MEOX1: variants seen among roughly 807,000 people sequenced by gnomAD.
The protein encoded by MEOX1 is homeobox protein MOX-1.
MEOX1 carries 17 observed loss-of-function variants against 23.2 expected under a neutral mutation model. The ratio of observed to expected loss-of-function variants is 0.73; its 90% confidence interval spans 0.50 to 1.10. MEOX1 has a LOEUF of 1.10. MEOX1 is among the 50% of genes least tolerant of loss of function. MEOX1 has a pLI of 0.00. For missense variants in MEOX1, 333 were observed against 332.2 expected (o/e 1.00, Z -0.02); for synonymous variants, 134 against 135.1 (o/e 0.99, Z 0.06).
chr17:43,659,893 C>T (rs1289255666), intron 1 of MEOX1, among the ~76,000 whole-genome samples: 1 of 152,168 alleles, frequency 6.6e-6, no homozygotes, highest in African/African-American at 2.4e-5. Context: ...GGGTGAGACC[C>T]CTTTATTCAT....
chr17:43,661,483 C>G lies in MEOX1; in HGVS notation c.52G>C (p.Val18Leu). ...CMRSLQPPAP[V>L]WGCLRNPHSE... The stretch of plus-strand genomic sequence containing the variant: ...TGGGGGTTTCGAAGGCAGCCCCAGA[C>G]AGGGGCTGGGGGCTGGAGGCTCCTC... Residue 18 changes from valine to leucine, a missense_variant, in exon 1 of 3, where the codon GTC becomes CTC. Physicochemically the swap from Val to Leu is conservative, Grantham distance 32. Coordinates refer to ENST00000318579, the MANE Select transcript of MEOX1 (RefSeq NM_004527.4). The G allele has an allele frequency of 1.2e-6, 2 of 1,607,244 alleles. No individual in the cohort carries two copies. Among genetic ancestry groups the G allele is most frequent in the Non-Finnish European group, 1.7e-6 (2 of 1,178,032 alleles).
chr17:43,660,342 C>G (rs1022279704), intron 1 of MEOX1, among the ~76,000 whole-genome samples: 1 of 152,208 alleles, frequency 6.6e-6, no homozygotes, highest in Non-Finnish European at 1.5e-5. Context: ...CTCCCTGACT[C>G]TCTCAGAGGC....
chr17:43,643,301 C>T (rs1474744006), intron 2 of MEOX1, among the ~76,000 whole-genome samples, 187 bp downstream of exon 2: 2 of 152,076 alleles, frequency 1.3e-5, no homozygotes, highest in South Asian at 2.1e-4. Context: ...AACGAGACTC[C>T]GTCTCAAAAA....
intron 1 of MEOX1, among the ~76,000 whole-genome samples, chr17:43,655,194 C>G (rs1014842362): frequency 2.0e-5 from 3 of 152,176 alleles, no homozygotes; most frequent in Admixed American, 2.0e-4. Context: ...ATTTGGTGGC[C>G]GGGCACAGTG....
At chr17:43,643,219 G>A (rs963755335) in intron 2 of MEOX1, among the ~76,000 whole-genome samples, 1 of 152,212 alleles carries the variant, frequency 6.6e-6, no homozygotes, top group African/African-American at 2.4e-5. Flanking sequence ...GGCTAAGGCA[G>A]GAGAATTGCT....
Position 43,641,878 on chromosome 17 carries a change from A to C in MEOX1, c.*32T>G. On this transcript the variant is annotated 3_prime_UTR_variant, in exon 3 of 3. Coordinates refer to ENST00000318579, the MANE Select transcript of MEOX1 (RefSeq NM_004527.4). ...GTGGGGGTAGTTGGGTAGGGGGCTC[A>C]GTCCTTAGTCATTTTTCCTCCATGC... 1 of 1,596,678 alleles carries C rather than the reference A, an allele frequency of 6.3e-7. No individual in the cohort carries two copies. Among genetic ancestry groups the C allele is most frequent in the Non-Finnish European group, 8.5e-7 (1 of 1,171,634 alleles).
At chr17:43,649,396 T>TC (rs1972873255) in intron 1 of MEOX1, among the ~76,000 whole-genome samples, 1 of 144,958 alleles carries the variant, frequency 6.9e-6, no homozygotes, top group South Asian at 2.2e-4. Flanking sequence ...AACCTCTGCC[T>TC]CCTGGGTTCA....
At chr17:43,645,647 A>G (rs2154588804) in intron 1 of MEOX1, among the ~76,000 whole-genome samples, 1 of 152,128 alleles carries the variant, frequency 6.6e-6, no homozygotes, top group South Asian at 2.1e-4. Context: ...TACCTGGGGG[A>G]CTGGGCTGGG....
intron 1 of MEOX1, among the ~76,000 whole-genome samples, chr17:43,655,849 G>T (rs1686584413): frequency 6.6e-6 from 1 of 152,058 alleles, no homozygotes; most frequent in Admixed American, 6.6e-5. Context: ...GATTGCTAGG[G>T]GGTGGGGGAA....
intron 1 of MEOX1, among the ~76,000 whole-genome samples, chr17:43,648,507 T>G (rs1972853103): frequency 6.6e-6 from 1 of 151,628 alleles, no homozygotes; most frequent in Non-Finnish European, 1.5e-5. Context: ...AACTAACTCA[T>G]GCTTCCCAAG....
At position 43,661,219 on chromosome 17, in the gene MEOX1, TGGGCCTGCGCC is replaced by T; in HGVS notation, c.305_315del (p.Arg102GlnfsTer28). 6.2e-7 allele frequency: 1 copy of T among 1,609,470 alleles called. No individual in the cohort carries two copies. The highest frequency in any genetic ancestry group is 8.5e-7 in the Non-Finnish European group (1 of 1,177,598). On this transcript the variant is annotated frameshift_variant, in exon 1 of 3. Transcript: ENST00000318579. LOFTEE classifies it high-confidence loss of function. ...TTGGAACCCCCTGCCGGGCCTGAGT[TGGGCCTGCGCC>T]GGGCGTCTGAGACAGGGAAGTGCCA...
intron 1 of MEOX1, 59 bp downstream of exon 1, chr17:43,661,007 G>A: frequency 8.7e-7 from 1 of 1,148,254 alleles, no homozygotes; most frequent in Non-Finnish European, 1.2e-6. Context: ...CAGAGAGGGT[G>A]AGTAACTTCC....
At position 43,661,186 on chromosome 17, in the gene MEOX1, C is replaced by G. The variant is rs1973133750; in HGVS notation, c.349G>C (p.Gly117Arg). The G allele has an allele frequency of 6.2e-7, 1 of 1,605,884 alleles. No homozygotes were observed. The highest frequency in any genetic ancestry group is 1.3e-5 in the African/African-American group (1 of 74,902). Residue 117 changes from glycine (G) to arginine (R), a missense_variant, in exon 1 of 3, where the codon GGG (glycine) becomes CGG (arginine). Coordinates refer to ENST00000318579, the MANE Select transcript of MEOX1 (RefSeq NM_004527.4). ...TCCACCAGGCCCAGGCTGCTGGTCCCCATTTCCTTGGAACCCCCTGCCGGG... is the reference window on the plus strand; with the variant it reads ...TCCACCAGGCCCAGGCTGCTGGTCCGCATTTCCTTGGAACCCCCTGCCGGG... ...SGPAGGSKEM[G>R]TSSLGLVDTT...
chr17:43,651,206 C>A (rs1972910041), intron 1 of MEOX1, among the ~76,000 whole-genome samples: 1 of 152,056 alleles, frequency 6.6e-6, no homozygotes, highest in African/African-American at 2.4e-5. Context: ...GTAGTCCCAG[C>A]TACTCGGGAG....
rs34747408 is a variant in MEOX1, at chr17:43,657,340, A to AT, written c.469+3725dup. 3.1e-3 allele frequency among the ~76,000 whole-genome samples: 382 copies of AT among 122,226 alleles called. 2 individuals are homozygous for AT. Among genetic ancestry groups the AT allele is most frequent in the African/African-American group, 5.8e-3 (198 of 34,276 alleles). 80.2% of individuals were successfully genotyped at this position (122,226 alleles called of 152,430 possible). A position where few individuals can be genotyped will look rare whatever the true frequency, so the allele number is the denominator to read the frequency against. ...AGGTGCCTGCCACCACACCTGGCTA[A>AT]TTTTTTTTTTTTTTTTTTGTATTTT... On this transcript the variant is annotated intron_variant, in intron 1 of 2. Transcript: ENST00000318579.
intron 1 of MEOX1, among the ~76,000 whole-genome samples, chr17:43,644,107 C>G (rs1322581541): frequency 6.6e-6 from 1 of 152,192 alleles, no homozygotes; most frequent in African/African-American, 2.4e-5. Flanking sequence ...TAGCCTCATT[C>G]CAGACCTACT....
Position 43,661,389 on chromosome 17 carries a change from G to A in MEOX1, c.146C>T (p.Pro49Leu). Residue 49 changes from proline to leucine, a missense_variant, in exon 1 of 3, where the codon CCA becomes CTA. Physicochemically the swap from Pro to Leu is moderately conservative, Grantham distance 98. Coordinates refer to ENST00000318579, the MANE Select transcript of MEOX1 (RefSeq NM_004527.4). The part of the protein sequence containing the change: ...PPTPFSFHQK[P>L]DFLATATAAY... ...TGCCGTCGCTGTCGCCAGGAAGTCT[G>A]GTTTCTGGTGGAAGGAGAACGGGGT... The A allele has an allele frequency of 6.2e-7, 1 of 1,613,646 alleles. No homozygotes were observed.
chr17:43,656,994 CTTTT>C (rs1491143225), intron 1 of MEOX1, among the ~76,000 whole-genome samples: 140 of 138,050 alleles, frequency 1.0e-3, no homozygotes, highest in African/African-American at 4.6e-3. Context: ...TTCTTTCTTT[CTTTT>C]TCTTTCTTTC....
chr17:43,653,531 G>A (rs1439654639), intron 1 of MEOX1, among the ~76,000 whole-genome samples: 4 of 127,812 alleles, frequency 3.1e-5, no homozygotes, highest in African/African-American at 1.2e-4. Context: ...TTTTTTTTGA[G>A]ACAGAGTCTG....
Sources: gnomAD v4.1 joint callset for allele counts (sites outside exome capture counted in the v4.1 genomes callset) on GRCh38, gnomAD v4.1.1 for gene constraint, MANE v1.5 for transcripts, NCBI Gene and HGNC (gene_info 2026-07-23, HGNC 2026-07-21) for gene names.